Variants in DCUN1D4 observed in about 807,000 individuals in gnomAD.
The protein encoded by DCUN1D4 is DCN1-like protein 4.
Under a neutral mutation model 47.9 loss-of-function variants are expected in DCUN1D4, and 22 were observed. That is an observed-to-expected ratio of 0.46 (90% confidence interval 0.33 to 0.66). The LOEUF is 0.66. Among genes scored for constraint, DCUN1D4 ranks in the 30% least tolerant of loss-of-function variants. DCUN1D4 has a pLI of 0.02. For synonymous variants in DCUN1D4, 121 were observed against 112.2 expected (o/e 1.08, Z -0.50); for missense variants, 301 against 340.8 (o/e 0.88, Z 0.92).
the DCUN1D4 span, among the ~76,000 whole-genome samples, chr4:51,837,654 C>CAAAAAAAAAAAAAAAAAAA: frequency 1.5e-4 from 7 of 46,182 alleles, 1 homozygote; most frequent in African/African-American, 5.8e-4. Flanking sequence ...GACTCCGTCT[C>CAAAAAAAAAAAAAAAAAAA]AAAAAAAAAA....
At chr4:51,902,703 G>T (rs187344469) in intron 8 of DCUN1D4, among the ~76,000 whole-genome samples, 2 of 152,232 alleles carry the variant, frequency 1.3e-5, no homozygotes, top group Admixed American at 1.3e-4. Flanking sequence ...TAACTGGGAT[G>T]CTGAAACTAT....
In DCUN1D4 at chr4:51,843,488, G is replaced by C. The variant is rs1048570037; in HGVS notation, c.25+221G>C. 776 of 1,272,036 alleles carry C rather than the reference G, an allele frequency of 6.1e-4. 1 individual carries two copies. The highest frequency in any genetic ancestry group is 7.5e-4 in the Non-Finnish European group (750 of 1,000,424). 78.8% of individuals were successfully genotyped at this position (1,272,036 alleles called of 1,614,324 possible). ...GGGAAGGGACCGGCCTGCGGGGAGG[G>C]CGGAGGTGAGGGGGGTGGGGACTGG... On this transcript the variant is annotated intron_variant, in intron 1 of 10. Coordinates refer to ENST00000334635, the MANE Select transcript of DCUN1D4 (RefSeq NM_001040402.3).
chr4:51,900,047 A>G (rs868024426), intron 8 of DCUN1D4, among the ~76,000 whole-genome samples: 27 of 152,272 alleles, frequency 1.8e-4, no homozygotes, highest in Middle Eastern at 3.4e-3. Context: ...TACAATTACA[A>G]TTTATTCTGA....
At chr4:51,901,682 C>G (rs1429076406) in intron 8 of DCUN1D4, among the ~76,000 whole-genome samples, 1 of 152,220 alleles carries the variant, frequency 6.6e-6, no homozygotes, top group African/African-American at 2.4e-5. Flanking sequence ...GTTTCAGTTA[C>G]ATACCCCTGG....
At chr4:51,884,286 CT>C (rs905182174) in intron 5 of DCUN1D4, 5 of 152,148 alleles carry the variant, frequency 3.3e-5, no homozygotes, top group African/African-American at 1.2e-4. Context: ...TTTAGTGTTC[CT>C]CCTTTGTTAA....
chr4:51,851,317 G>A (rs938003164), intron 1 of DCUN1D4, among the ~76,000 whole-genome samples: 4 of 152,174 alleles, frequency 2.6e-5, no homozygotes, highest in Non-Finnish European at 4.4e-5. Context: ...TGGATGCCCC[G>A]GGGGCTTTGA....
chr4:51,901,176 T>C (rs567233130), intron 8 of DCUN1D4, among the ~76,000 whole-genome samples: 1 of 152,260 alleles, frequency 6.6e-6, no homozygotes, highest in South Asian at 2.1e-4. Context: ...GCCACCTTCC[T>C]GCTCCCCACA....
chr4:51,870,810 T>C (rs1726770397), intron 3 of DCUN1D4, among the ~76,000 whole-genome samples: 1 of 152,226 alleles, frequency 6.6e-6, no homozygotes, highest in African/African-American at 2.4e-5. Context: ...GTGCATTTTG[T>C]TTATTTAGTT....
intron 1 of DCUN1D4, among the ~76,000 whole-genome samples, chr4:51,847,162 GGTTATAT>G (rs894702347): frequency 3.0e-4 from 46 of 152,294 alleles, no homozygotes; most frequent in African/African-American, 1.1e-3. Context: ...GCAACTTGCA[GGTTATAT>G]CCCTGAACCA....
At chr4:51,908,777 G>C in intron 8 of DCUN1D4, 1 of 410,228 alleles carries the variant, frequency 2.4e-6, no homozygotes, top group South Asian at 1.8e-5. Flanking sequence ...GCTCTCGACT[G>C]TTGTTCCCGG....
intron 7 of DCUN1D4, among the ~76,000 whole-genome samples, chr4:51,897,707 G>A (rs949778719): frequency 1.3e-5 from 2 of 152,184 alleles, no homozygotes; most frequent in Admixed American, 1.3e-4. Flanking sequence ...GTAAGAACAG[G>A]GTGAGCTGTT....
the DCUN1D4 span, among the ~76,000 whole-genome samples, chr4:51,834,641 G>A: frequency 6.6e-6 from 1 of 152,090 alleles, no homozygotes; most frequent in African/African-American, 2.4e-5. Flanking sequence ...AAAGAGTGAG[G>A]TTTGCCTTTA....
At chr4:51,845,911 G>C (rs1722472931) in intron 1 of DCUN1D4, among the ~76,000 whole-genome samples, 1 of 152,072 alleles carries the variant, frequency 6.6e-6, no homozygotes, top group Non-Finnish European at 1.5e-5. Context: ...TTACTTAATC[G>C]TGTGGTGAAA....
chr4:51,876,977 GCCT>G (rs1296237794), intron 4 of DCUN1D4, among the ~76,000 whole-genome samples: 7 of 152,008 alleles, frequency 4.6e-5, no homozygotes, highest in Admixed American at 3.9e-4. Context: ...TAAAGCTATT[GCCT>G]CCTCTTCCCT....
chr4:51,908,219 G>T (rs757366437), intron 8 of DCUN1D4, among the ~76,000 whole-genome samples: 1 of 152,162 alleles, frequency 6.6e-6, no homozygotes, highest in Admixed American at 6.5e-5. Context: ...TATATCTTTC[G>T]TGTATAGAGC....
intron 1 of DCUN1D4, chr4:51,844,845 G>A: frequency 1.0e-6 from 1 of 985,332 alleles, no homozygotes; most frequent in Non-Finnish European, 1.2e-6. Flanking sequence ...TGTGGAAACG[G>A]GTCCCGGCAT....
intron 1 of DCUN1D4, among the ~76,000 whole-genome samples, chr4:51,861,723 C>G (rs1725077039): frequency 6.6e-6 from 1 of 152,012 alleles, no homozygotes; most frequent in Admixed American, 6.6e-5. Flanking sequence ...AGTTTAACTT[C>G]ATATTTTAAG....
At chr4:51,842,777 A>G (rs1375992176), upstream of DCUN1D4, among the ~76,000 whole-genome samples, 1 of 152,024 alleles carries the variant, frequency 6.6e-6, no homozygotes, top group African/African-American at 2.4e-5. Flanking sequence ...TTTGTTTCAG[A>G]CGCCGACCCA....
chr4:51,851,705 A>G (rs1289468960), intron 1 of DCUN1D4, among the ~76,000 whole-genome samples: 5 of 152,160 alleles, frequency 3.3e-5, no homozygotes, highest in Non-Finnish European at 5.9e-5. Flanking sequence ...GGGAGGGACT[A>G]ACACGAATTC....
Sources: gnomAD v4.1 joint callset for allele counts (sites outside exome capture counted in the v4.1 genomes callset) on GRCh38, gnomAD v4.1.1 for gene constraint, MANE v1.5 for transcripts, NCBI Gene and HGNC (gene_info 2026-07-23, HGNC 2026-07-21) for gene names.